Variants in CENPP observed in about 807,000 individuals in gnomAD.
CENPP encodes centromere protein P.
A neutral mutation model predicts 35.6 loss-of-function variants in CENPP; 24 were observed. That is an observed-to-expected ratio of 0.67 (90% confidence interval 0.49 to 0.95). The LOEUF is 0.95. Among genes scored for constraint, CENPP ranks in the 40% least tolerant of loss-of-function variants. The pLI, the probability that CENPP is intolerant of heterozygous loss-of-function variation, is 0.00. For missense variants in CENPP, 332 were observed against 345.3 expected, an observed-to-expected ratio of 0.96 and a Z score of 0.31; for synonymous variants, 120 against 125.5, an observed-to-expected ratio of 0.96 and a Z score of 0.29.
At chr9:92,355,231 T>C (rs1841559685) in intron 4 of CENPP, among the ~76,000 whole-genome samples, 1 of 152,150 alleles carries the variant, frequency 6.6e-6, no homozygotes, top group African/African-American at 2.4e-5. Flanking sequence ...TCAGTCCTTA[T>C]CTCAACTGCA....
intron 5 of CENPP, among the ~76,000 whole-genome samples, chr9:92,460,836 C>A (rs1588146501): frequency 6.6e-6 from 1 of 152,084 alleles, no homozygotes; most frequent in Non-Finnish European, 1.5e-5. Context: ...ACCACCATAC[C>A]TGGCTAATTT....
intron 5 of CENPP, among the ~76,000 whole-genome samples, chr9:92,525,961 A>C (rs1028598869): frequency 6.6e-6 from 1 of 151,750 alleles, no homozygotes; most frequent in Non-Finnish European, 1.5e-5. Context: ...TTTCATATAC[A>C]ACTATATTAC....
At chr9:92,360,354 A>G (rs1398175445) in intron 4 of CENPP, among the ~76,000 whole-genome samples, 1 of 152,134 alleles carries the variant, frequency 6.6e-6, no homozygotes, top group Non-Finnish European at 1.5e-5. Flanking sequence ...ATGTGCTGAA[A>G]AACTCCATTA....
At chr9:92,566,139 A>G (rs932168491) in intron 5 of CENPP, among the ~76,000 whole-genome samples, 3 of 151,966 alleles carry the variant, frequency 2.0e-5, no homozygotes, top group African/African-American at 4.8e-5. Flanking sequence ...CGTCTCTACT[A>G]AAAATACAAA....
At chr9:92,376,021 A>G (rs556789512) in intron 4 of CENPP, among the ~76,000 whole-genome samples, 8 of 152,300 alleles carry the variant, frequency 5.3e-5, no homozygotes, top group Non-Finnish European at 5.9e-5. Context: ...TTGGTTCTGT[A>G]TGGGGACACT....
chr9:92,478,510 G>C (rs551434297), intron 5 of CENPP, among the ~76,000 whole-genome samples: 30 of 152,264 alleles, frequency 2.0e-4, no homozygotes, highest in South Asian at 1.0e-3. Flanking sequence ...CTGGAGTACA[G>C]TTGCGCCATC....
intron 5 of CENPP, among the ~76,000 whole-genome samples, chr9:92,501,680 T>A (rs1846686161): frequency 6.6e-6 from 1 of 152,202 alleles, no homozygotes; most frequent in Non-Finnish European, 1.5e-5. Flanking sequence ...TTTCACCTGA[T>A]GAAGACTTCT....
intron 5 of CENPP, among the ~76,000 whole-genome samples, chr9:92,501,731 A>G (rs1180894771): frequency 2.6e-5 from 4 of 152,154 alleles, no homozygotes; most frequent in East Asian, 1.9e-4. Flanking sequence ...GCTGAGCCCA[A>G]TTGGCCTCTC....
chr9:92,550,217 G>A (rs551023747), intron 5 of CENPP, among the ~76,000 whole-genome samples: 3 of 152,262 alleles, frequency 2.0e-5, no homozygotes, highest in East Asian at 1.9e-4. Context: ...CCAACATGGC[G>A]AAACCCCGTC....
chr9:92,572,560 AT>A (rs1564007460), intron 5 of CENPP, among the ~76,000 whole-genome samples: 3 of 152,024 alleles, frequency 2.0e-5, no homozygotes, highest in Admixed American at 6.6e-5. Flanking sequence ...TCTGACAATT[AT>A]GTGTCTTGGA....
At chr9:92,394,387 C>A (rs1842806029) in intron 5 of CENPP, among the ~76,000 whole-genome samples, 3 of 150,200 alleles carry the variant, frequency 2.0e-5, no homozygotes, top group Admixed American at 6.7e-5. Context: ...GGATTACTGG[C>A]GTATGCCACC....
chr9:92,382,282 T>A (rs995228616), intron 5 of CENPP, among the ~76,000 whole-genome samples: 1 of 152,130 alleles, frequency 6.6e-6, no homozygotes, highest in Non-Finnish European at 1.5e-5. Flanking sequence ...ATGGGGTACA[T>A]AGTGGTGTTT....
At chr9:92,567,395 T>TAC (rs201711365) in intron 5 of CENPP, among the ~76,000 whole-genome samples, 5,564 of 106,764 alleles carry the variant, frequency 0.052, 215 homozygotes, top group South Asian at 0.11. Flanking sequence ...TATATATATA[T>TAC]AGATATATAT....
chr9:92,394,898 C>T (rs1290827493), intron 5 of CENPP, among the ~76,000 whole-genome samples: 4 of 152,088 alleles, frequency 2.6e-5, no homozygotes, highest in South Asian at 2.1e-4. Context: ...TGAGCCACCA[C>T]GCCCGGCCTA....
At chr9:92,588,233 T>G (rs1564012959) in intron 5 of CENPP, among the ~76,000 whole-genome samples, 1 of 151,580 alleles carries the variant, frequency 6.6e-6, no homozygotes, top group Admixed American at 6.6e-5. Flanking sequence ...GCTGTGAGTT[T>G]TTTGTTTGTT....
chr9:92,564,857 C>G (rs1433495941), intron 5 of CENPP, among the ~76,000 whole-genome samples: 1 of 152,166 alleles, frequency 6.6e-6, no homozygotes, highest in Non-Finnish European at 1.5e-5. Flanking sequence ...AATTGATAGA[C>G]TCTTTATGTA....
At chr9:92,568,111 G>C (rs1458109572) in intron 5 of CENPP, among the ~76,000 whole-genome samples, 1 of 151,892 alleles carries the variant, frequency 6.6e-6, no homozygotes, top group Non-Finnish European at 1.5e-5. Context: ...GGATACATGT[G>C]CACTAGGGTA....
At position 92,476,186 on chromosome 9, in the gene CENPP, G is replaced by A. The variant is rs1488752444; in HGVS notation, c.564+96327G>A. Among the ~76,000 whole-genome samples the A allele has an allele frequency of 6.6e-6, 1 of 152,086 alleles. No individual in the cohort carries two copies. The highest frequency in any genetic ancestry group is 1.5e-5 in the Non-Finnish European group (1 of 68,024). ...CCTCCAGGCCTGCCATTGCCCGAGT[G>A]CCAGAGAGCAGCTGAGCTGCAAAAG... On this transcript the variant is annotated intron_variant, in intron 5 of 7. Coordinates refer to ENST00000375587, the MANE Select transcript of CENPP (RefSeq NM_001012267.3). The surrounding 1 kb of genome is among the most constrained non-coding windows in gnomAD (Gnocchi z 4.1).
chr9:92,368,317 A>C (rs1841935790), intron 4 of CENPP, among the ~76,000 whole-genome samples: 2 of 152,216 alleles, frequency 1.3e-5, no homozygotes, highest in Admixed American at 6.5e-5. Context: ...ATATCTCATT[A>C]TATACATGCA....
Sources: allele counts gnomAD v4.1 joint callset (sites outside exome capture counted in the v4.1 genomes callset), GRCh38; gene constraint gnomAD v4.1.1; non-coding constraint Gnocchi (gnomAD v3.1); transcripts MANE v1.5; gene names NCBI Gene and HGNC (gene_info 2026-07-23, HGNC 2026-07-21).